TCEA1: variants seen among roughly 807,000 people sequenced by gnomAD.
The protein encoded by TCEA1 is transcription elongation factor A protein 1.
A neutral mutation model predicts 43.8 loss-of-function variants in TCEA1; 21 were observed. That is an observed-to-expected ratio of 0.48 (90% CI 0.34 to 0.69). TCEA1 has a LOEUF of 0.69. Ranked by LOEUF, TCEA1 falls within the 30% of genes least tolerant of loss-of-function variation. The pLI is 0.01. For missense variants in TCEA1, 250 were observed against 365.1 expected, an observed-to-expected ratio of 0.68 and a Z score of 2.57; for synonymous variants, 104 against 117.5, an observed-to-expected ratio of 0.88 and a Z score of 0.75.
chr8:53,975,420 C>T (rs1803300887), intron 8 of TCEA1, among the ~76,000 whole-genome samples: 1 of 152,124 alleles, frequency 6.6e-6, no homozygotes, highest in Admixed American at 6.6e-5. Context: ...GAAGTAGAGT[C>T]TCAAAGAGGT....
rs1195264719 is a variant in TCEA1 at position 54,022,246 on chromosome 8, G to A, written c.-121C>T. ...GCAACCCCCACCACCGCAGGCCCGG[G>A]CCTAGGCCCCCTTCCTTACGAACGA... On this transcript the variant is annotated 5_prime_UTR_variant, in exon 1 of 10. Transcript: ENST00000521604. 8.1e-6 allele frequency: 10 copies of A among 1,228,068 alleles called. No individual in the cohort carries two copies. In the South Asian group the frequency reaches 1.1e-4, roughly 14 times the overall value. The allele number at this position is 1,228,068 out of a possible 1,614,324, so 76.1% of individuals were successfully genotyped here.
chr8:53,973,853 G>GA (rs1374061759), intron 8 of TCEA1: 2 of 355,926 alleles, frequency 5.6e-6, no homozygotes, highest in Admixed American at 4.4e-5. Flanking sequence ...AAAGAGAACA[G>GA]AAAAAACAAG....
At chr8:54,013,490 C>A (rs969472821) in intron 1 of TCEA1, among the ~76,000 whole-genome samples, 1 of 151,710 alleles carries the variant, frequency 6.6e-6, no homozygotes. Flanking sequence ...ACCAGCCTGG[C>A]CAACATGGTG....
At chr8:54,021,718 G>A (rs1334687900) in intron 1 of TCEA1, 1 of 212,526 alleles carries the variant, frequency 4.7e-6, no homozygotes, top group Non-Finnish European at 9.1e-6. Flanking sequence ...CAAGTTCTGA[G>A]GACTTTCTAC....
At chr8:54,003,436 T>C (rs1483109610) in intron 2 of TCEA1, among the ~76,000 whole-genome samples, 5 of 152,052 alleles carry the variant, frequency 3.3e-5, no homozygotes, top group African/African-American at 1.2e-4. Flanking sequence ...AAGAACAAAG[T>C]TGGAGCACTC....
rs1472154049 is a variant in TCEA1, at chr8:53,984,572, T to G, written c.524-55A>C. The G allele has an allele frequency of 1.5e-5, 22 of 1,443,382 alleles. No homozygotes were observed. In the Admixed American group the frequency reaches 3.8e-4, roughly 25 times the overall value. 89.4% of individuals were successfully genotyped at this position (1,443,382 alleles called of 1,614,324 possible). On this transcript the variant is annotated intron_variant, in intron 6 of 9. Transcript: ENST00000521604. ...ATTACAAAAGTAAGATCACTTTTTT[T>G]TCCTGTTCTGCCAAAATAAGAATTC... is the stretch of plus-strand genomic sequence containing the variant.
intron 1 of TCEA1, among the ~76,000 whole-genome samples, chr8:54,013,322 C>T (rs1460302807): frequency 3.9e-5 from 6 of 152,168 alleles, no homozygotes; most frequent in Non-Finnish European, 5.9e-5. Flanking sequence ...CTGAAAACTG[C>T]ACTGTGTTCC....
intron 3 of TCEA1, among the ~76,000 whole-genome samples, chr8:53,994,074 C>A (rs1054849196): frequency 1.3e-5 from 2 of 152,118 alleles, no homozygotes; most frequent in African/African-American, 4.8e-5. Flanking sequence ...AAGCACAGGC[C>A]GGTGCAGTGG....
chr8:53,993,669 T>C lies in TCEA1; in HGVS notation c.319A>G (p.Ser107Gly). The C allele has an allele frequency of 1.2e-6, 2 of 1,611,070 alleles. No homozygotes were observed. The highest frequency in any genetic ancestry group is 2.2e-5 in the East Asian group (1 of 44,854). The change falls in exon 4 of 10, where the codon AGT (serine) becomes GGT (glycine). Residue 107 changes from serine to glycine, a missense_variant and splice_region_variant. Ser to Gly is a moderately conservative substitution (Grantham distance 56, BLOSUM62 0). Around this residue, in one of 4 missense-constraint regions of TCEA1, gnomAD observed 147 missense variants for 160.3 expected, o/e 0.92. Coordinates refer to ENST00000521604, the MANE Select transcript of TCEA1 (RefSeq NM_006756.4). ...SQNSPEAREESTSSGNVSNRK... is the reference protein window; with the variant it reads ...SQNSPEAREEGTSSGNVSNRK... ...ATATATGTCTATACTGTGAAGTACC[T>C]TTCTTCTCTTGCCTCAGGGCTGTTC...
chr8:53,985,576 T>C (rs1199722106), intron 6 of TCEA1, among the ~76,000 whole-genome samples: 1 of 152,154 alleles, frequency 6.6e-6, no homozygotes, highest in African/African-American at 2.4e-5. Context: ...CAGCAGGAGC[T>C]ACCTCAGCAG....
chr8:54,006,877 G>GCC (rs1804484123), intron 2 of TCEA1, among the ~76,000 whole-genome samples: 2 of 152,086 alleles, frequency 1.3e-5, no homozygotes, highest in South Asian at 4.1e-4. Context: ...TTGCTCTGTT[G>GCC]CCCAGGCTGG....
At chr8:53,980,728 A>G (rs1180166286) in intron 7 of TCEA1, among the ~76,000 whole-genome samples, 1 of 152,166 alleles carries the variant, frequency 6.6e-6, no homozygotes, top group African/African-American at 2.4e-5. Context: ...AGGCCAATTA[A>G]TAACCCTACA....
At chr8:54,002,812 G>A (rs1341189772) in intron 2 of TCEA1, 10 of 442,822 alleles carry the variant, frequency 2.3e-5, no homozygotes, top group African/African-American at 6.1e-5. Flanking sequence ...ACTATACATC[G>A]TGAAACTCTA....
intron 1 of TCEA1, among the ~76,000 whole-genome samples, chr8:54,017,112 G>C (rs1458696183): frequency 6.6e-6 from 1 of 152,082 alleles, no homozygotes; most frequent in Non-Finnish European, 1.5e-5. Flanking sequence ...ATTAGTGGCT[G>C]TCAGAGGCGT....
chr8:53,978,676 G>C (rs1026537535), intron 8 of TCEA1: 1 of 163,080 alleles, frequency 6.1e-6, no homozygotes, highest in Admixed American at 6.1e-5. Context: ...CAAATGAACA[G>C]GGGTGAGTAC....
intron 1 of TCEA1, among the ~76,000 whole-genome samples, chr8:54,013,680 C>CAAAAAAAAAAAAAAAAAAAAAAAAAAAAA (rs5891511): frequency 6.1e-5 from 4 of 65,298 alleles, no homozygotes; most frequent in Non-Finnish European, 8.3e-5. Flanking sequence ...AACTCCATCT[C>CAAAAAAAAAAAAAAAAAAAAAAAAAAAAA]AAAAAAAAAA....
In TCEA1 at chr8:53,996,901, G is replaced by GTTTTTTTTTTT. The variant is rs1563494161; in HGVS notation, c.232+3043_232+3044insAAAAAAAAAAA. Among the ~76,000 whole-genome samples, 4 of 90,204 alleles carry GTTTTTTTTTTT rather than the reference G, an allele frequency of 4.4e-5. 1 individual carries two copies. The highest frequency in any genetic ancestry group is 2.5e-4 in the African/African-American group (3 of 11,834). 59.2% of individuals were successfully genotyped at this position (90,204 alleles called of 152,430 possible). A position where few individuals can be genotyped will look rare whatever the true frequency, so the allele number is the denominator to read the frequency against. ...CTAGCTAAGGGGTAAAAAGAAGGTTGTCTTTTTTTTTTTTTTTAGACAGAC... is the reference window on the plus strand; with the variant it reads ...CTAGCTAAGGGGTAAAAAGAAGGTTGTTTTTTTTTTTTCTTTTTTTTTTTTTTTAGACAGAC... On this transcript the variant is annotated intron_variant, in intron 3 of 9. Transcript: ENST00000521604.
chr8:54,021,955 G>A lies in TCEA1; in HGVS notation c.63+108C>T, dbSNP rs1047970852. ...GCGGGCGCGGCGGGCCCGGCTCCCA[G>A]ACGGGAGGCTGCAGGGGGAGGGGAG... On this transcript the variant is annotated intron_variant, in intron 1 of 9. Coordinates refer to ENST00000521604, the MANE Select transcript of TCEA1 (RefSeq NM_006756.4). 3.5e-6 allele frequency: 4 copies of A among 1,154,466 alleles called. No individual in the cohort carries two copies. The African/African-American group carries it at 4.9e-5, about 14-fold the overall frequency. 71.5% of individuals were successfully genotyped at this position (1,154,466 alleles called of 1,614,324 possible). A position where few individuals can be genotyped will look rare whatever the true frequency, so the allele number is the denominator to read the frequency against.
At chr8:53,974,771 C>T (rs1803275995) in intron 8 of TCEA1, among the ~76,000 whole-genome samples, 1 of 152,224 alleles carries the variant, frequency 6.6e-6, no homozygotes, top group South Asian at 2.1e-4. Context: ...CTCAGGTGAT[C>T]CGCCTGCCTC....
Sources: gnomAD v4.1 joint callset for allele counts (sites outside exome capture counted in the v4.1 genomes callset) on GRCh38, gnomAD v4.1.1 for gene constraint, gnomAD v4.1.1 regional missense constraint, MANE v1.5 for transcripts, NCBI Gene and HGNC (gene_info 2026-07-23, HGNC 2026-07-21) for gene names.